The following ZNF407 variants were observed in gnomAD, a reference collection of about 807,000 sequenced individuals.
ZNF407 encodes zinc finger protein 407.
A neutral mutation model predicts 131.2 loss-of-function variants in ZNF407; 17 were observed. That is an observed-to-expected ratio of 0.13 (90% CI 0.09 to 0.19). ZNF407 has a LOEUF of 0.19. ZNF407 is among the 10% of genes least tolerant of loss of function. The probability of loss-of-function intolerance (pLI) is 1.00; values close to 1 mark genes in which losing one functional copy is unlikely to be tolerated. For missense variants in ZNF407, 2,681 were observed against 2,830.6 expected, an observed-to-expected ratio of 0.95 and a Z score of 1.20; for synonymous variants, 1,156 against 1,062.0, an observed-to-expected ratio of 1.09 and a Z score of -1.72.
intron 4 of ZNF407, among the ~76,000 whole-genome samples, chr18:74,788,792 T>G (rs529803099): frequency 6.7e-6 from 1 of 149,530 alleles, no homozygotes; most frequent in Admixed American, 6.7e-5. Context: ...CTGAGTATTA[T>G]TTTATTTATA....
chr18:74,929,166 T>C (rs1307918510), intron 8 of ZNF407, among the ~76,000 whole-genome samples: 4 of 152,146 alleles, frequency 2.6e-5, no homozygotes, highest in African/African-American at 9.7e-5. Flanking sequence ...TTAACTTTTT[T>C]CCAGAAAAAA....
chr18:74,863,249 TAC>T (rs1970963268), intron 4 of ZNF407, among the ~76,000 whole-genome samples: 1 of 151,490 alleles, frequency 6.6e-6, no homozygotes, highest in South Asian at 2.1e-4. Flanking sequence ...AGGTATTTCA[TAC>T]TTCCACCTCT....
chr18:74,751,178 C>G (rs985572482), intron 3 of ZNF407, among the ~76,000 whole-genome samples: 1 of 152,060 alleles, frequency 6.6e-6, no homozygotes, highest in South Asian at 2.1e-4. Context: ...ATATCTAAAA[C>G]CATTGCCTAA....
At chr18:74,992,239 A>G (rs1299798450) in intron 8 of ZNF407, among the ~76,000 whole-genome samples, 1 of 152,234 alleles carries the variant, frequency 6.6e-6, no homozygotes, top group Non-Finnish European at 1.5e-5. Context: ...ATAGTAAATA[A>G]TTACATTCCT....
chr18:74,695,449 T>G (rs959548074), intron 3 of ZNF407, among the ~76,000 whole-genome samples: 8 of 152,218 alleles, frequency 5.3e-5, no homozygotes, highest in African/African-American at 1.9e-4. Context: ...AGACTATTTT[T>G]TTTTCCTTCT....
At chr18:75,022,673 C>T (rs1042931668) in intron 8 of ZNF407, among the ~76,000 whole-genome samples, 10 of 151,516 alleles carry the variant, frequency 6.6e-5, no homozygotes, top group African/African-American at 2.4e-4. Context: ...GATTATTAGA[C>T]AGTCAAGAAA....
At chr18:74,680,245 A>G (rs1466178633) in intron 3 of ZNF407, among the ~76,000 whole-genome samples, 2 of 151,966 alleles carry the variant, frequency 1.3e-5, no homozygotes, top group East Asian at 3.9e-4. Context: ...AAAAAACCAA[A>G]AAACAAAAAC....
intron 4 of ZNF407, among the ~76,000 whole-genome samples, chr18:74,846,153 T>C (rs1970699422): frequency 6.6e-6 from 1 of 152,198 alleles, no homozygotes; most frequent in Admixed American, 6.5e-5. Flanking sequence ...AAATGGTCTA[T>C]TACAATCTTA....
intron 8 of ZNF407, among the ~76,000 whole-genome samples, chr18:74,969,010 G>A (rs139755909): frequency 6.6e-6 from 1 of 152,198 alleles, no homozygotes; most frequent in East Asian, 1.9e-4. Flanking sequence ...CTTCCCTCAG[G>A]TTTGCTGATG....
intron 4 of ZNF407, among the ~76,000 whole-genome samples, chr18:74,867,485 C>T (rs908195819): frequency 1.3e-5 from 2 of 152,132 alleles, no homozygotes; most frequent in Non-Finnish European, 2.9e-5. Flanking sequence ...GAATACATAC[C>T]AGGAATAAAA....
At chr18:74,804,023 C>G in intron 4 of ZNF407, 1 of 1,551,688 alleles carries the variant, frequency 6.4e-7, no homozygotes, top group Non-Finnish European at 8.7e-7. Context: ...AACAGGAACG[C>G]GTCGAGTGCC....
chr18:74,786,112 C>T (rs1969706724), intron 4 of ZNF407, among the ~76,000 whole-genome samples: 1 of 152,140 alleles, frequency 6.6e-6, no homozygotes, highest in South Asian at 2.1e-4. Flanking sequence ...TATGACTGAC[C>T]TCCGACGTCA....
intron 3 of ZNF407, among the ~76,000 whole-genome samples, chr18:74,687,738 T>G (rs1377783237): frequency 2.0e-5 from 3 of 152,214 alleles, no homozygotes; most frequent in African/African-American, 4.8e-5. Context: ...ACTCATTTAT[T>G]ACAAAGTCAA....
Position 74,633,265 on chromosome 18 carries a change from T to C in ZNF407, c.2246T>C (p.Met749Thr), listed in dbSNP as rs1166786476. ...CTTTATTCATTGAGCAAAGAAGGAA[T>C]GGAGAAACACATTAAAAGAAGCAAG... ...CNLYSLSKEG[M>T]EKHIKRSKHL... The change falls in exon 2 of 9, where the codon ATG becomes ACG. Residue 749 changes from methionine (M) to threonine (T), a missense_variant. Transcript: ENST00000299687. The C allele has an allele frequency of 6.2e-7, 1 of 1,613,240 alleles. No homozygotes were observed. Among genetic ancestry groups the C allele is most frequent in the African/African-American group, 1.3e-5 (1 of 74,842 alleles).
chr18:74,648,469 C>T (rs1015399650), intron 3 of ZNF407, among the ~76,000 whole-genome samples: 5 of 151,962 alleles, frequency 3.3e-5, no homozygotes, highest in African/African-American at 4.8e-5. Context: ...CTCGTTTTTT[C>T]GCTTGTCTTT....
intron 7 of ZNF407, among the ~76,000 whole-genome samples, chr18:74,903,125 C>G (rs144343761): frequency 2.4e-4 from 37 of 152,176 alleles, no homozygotes; most frequent in African/African-American, 8.0e-4. Flanking sequence ...ACATGAATGC[C>G]AAAAGTTGTT....
chr18:74,821,529 T>C (rs1429999283), intron 4 of ZNF407, among the ~76,000 whole-genome samples: 1 of 152,130 alleles, frequency 6.6e-6, no homozygotes, highest in Non-Finnish European at 1.5e-5. Context: ...TGTTTGGTTT[T>C]CTGTTCTTGT....
chr18:74,951,380 A>T (rs142642118), intron 8 of ZNF407, among the ~76,000 whole-genome samples: 1 of 152,310 alleles, frequency 6.6e-6, no homozygotes, highest in African/African-American at 2.4e-5. Context: ...TCATTAAGTC[A>T]ACATTGTCCC....
At chr18:74,730,066 G>A (rs1287698623) in intron 3 of ZNF407, among the ~76,000 whole-genome samples, 2 of 152,166 alleles carry the variant, frequency 1.3e-5, no homozygotes, top group South Asian at 4.1e-4. Flanking sequence ...CCTGTGGAAG[G>A]CCATGTGCCA....
Sources: gnomAD v4.1 joint callset for allele counts (sites outside exome capture counted in the v4.1 genomes callset) on GRCh38, gnomAD v4.1.1 for gene constraint, MANE v1.5 for transcripts, NCBI Gene and HGNC (gene_info 2026-07-23, HGNC 2026-07-21) for gene names.